VCL: variants seen among roughly 807,000 people sequenced by gnomAD.
VCL encodes the protein vinculin.
Under a neutral mutation model 125.7 loss-of-function variants are expected in VCL, and 47 were observed. That is an observed-to-expected ratio of 0.37 (90% CI 0.30 to 0.48). VCL has a LOEUF of 0.48. VCL is among the 20% of genes least tolerant of loss of function. The pLI is 0.99. For synonymous variants in VCL, 458 were observed against 514.6 expected (o/e 0.89, Z 1.49); for missense variants, 1,069 against 1,455.5 (o/e 0.73, Z 4.32).
Position 74,085,785 on chromosome 10 carries a change from T to G in VCL, c.1022+2272T>G, listed in dbSNP as rs533330572. Among the ~76,000 whole-genome samples, 12 of 152,306 alleles carry G rather than the reference T, an allele frequency of 7.9e-5. No homozygotes were observed. The East Asian group carries it at 1.9e-3, about 24-fold the overall frequency. On this transcript the variant is annotated intron_variant, in intron 8 of 21. Coordinates refer to ENST00000211998, the MANE Select transcript of VCL (RefSeq NM_014000.3). ...CAGGGCTCAGAAACACTCCTCTACA[T>G]GCAGTGCACCATTATACCTGGTCTC...
At chr10:74,032,446 C>T (rs1419391049) in intron 1 of VCL, among the ~76,000 whole-genome samples, 1 of 151,710 alleles carries the variant, frequency 6.6e-6, no homozygotes, top group Non-Finnish European at 1.5e-5. Context: ...GCCTATAATC[C>T]CAGCACTTTG....
chr10:74,006,130 C>T (rs1840320510), intron 1 of VCL, among the ~76,000 whole-genome samples: 1 of 152,158 alleles, frequency 6.6e-6, no homozygotes, highest in African/African-American at 2.4e-5. Context: ...AGGTGATCCG[C>T]TCGCCTCGGC....
At chr10:74,075,070 T>C (rs1330220335) in intron 6 of VCL, 167 bp downstream of exon 6, 1 of 883,396 alleles carries the variant, frequency 1.1e-6, no homozygotes, top group Non-Finnish European at 1.7e-6. Flanking sequence ...TTACTTGCTA[T>C]CTTTGCTAAT....
At chr10:74,048,516 C>T (rs1186806017) in intron 2 of VCL, among the ~76,000 whole-genome samples, 1 of 151,576 alleles carries the variant, frequency 6.6e-6, no homozygotes, top group Non-Finnish European at 1.5e-5. Context: ...AGACTGTCAG[C>T]AGGGGAGTCA....
intron 2 of VCL, among the ~76,000 whole-genome samples, chr10:74,052,392 T>A (rs1841316608): frequency 6.7e-6 from 1 of 150,208 alleles, no homozygotes; most frequent in Non-Finnish European, 1.5e-5. Flanking sequence ...TTTTTTTTTT[T>A]TTGAGACGGA....
chr10:74,013,771 AT>A (rs1195442512), intron 1 of VCL, among the ~76,000 whole-genome samples: 1 of 152,256 alleles, frequency 6.6e-6, no homozygotes, highest in Non-Finnish European at 1.5e-5. Flanking sequence ...AAATTAGTTC[AT>A]TAAAATGTTT....
chr10:74,102,650 T>C (rs186631616), intron 14 of VCL, among the ~76,000 whole-genome samples: 1 of 152,364 alleles, frequency 6.6e-6, no homozygotes, highest in Non-Finnish European at 1.5e-5. Flanking sequence ...TAGATCCTCT[T>C]GTCCAACTTT....
intron 2 of VCL, among the ~76,000 whole-genome samples, chr10:74,053,637 G>A (rs999107021): frequency 1.3e-5 from 2 of 151,156 alleles, no homozygotes; most frequent in Non-Finnish European, 2.9e-5. Context: ...TTGAGATAGC[G>A]TCTTGCTTTG....
rs1840384205 is a variant in VCL, at chr10:74,119,983, T to C, written c.*1814T>C. ...ATGCCGGATGTGCTTTTCTCCAATA[T>C]CAGTGCTCGAGACACAGTGAAGCAA... On this transcript the variant is annotated 3_prime_UTR_variant, in exon 22 of 22. Coordinates refer to ENST00000211998, the MANE Select transcript of VCL (RefSeq NM_014000.3). 2.2e-5 allele frequency: 3 copies of C among 137,036 alleles called. No individual in the cohort carries two copies. The Admixed American group carries it at 2.4e-4, about 11-fold the overall frequency. 8.5% of individuals were successfully genotyped at this position (137,036 alleles called of 1,614,324 possible).
At chr10:74,104,939 A>T in intron 15 of VCL, 112 bp from the exon 16 acceptor site, 1 of 1,225,544 alleles carries the variant, frequency 8.2e-7, no homozygotes, top group East Asian at 2.5e-5. Context: ...TGAGCTGAAG[A>T]AGAGAATTCT....
intron 1 of VCL, among the ~76,000 whole-genome samples, chr10:74,031,397 G>T (rs1840870990): frequency 6.6e-6 from 1 of 151,922 alleles, no homozygotes; most frequent in Non-Finnish European, 1.5e-5. Context: ...AGTATGCTTG[G>T]TTTTCTCCAG....
At chr10:74,030,904 G>A (rs887792206) in intron 1 of VCL, among the ~76,000 whole-genome samples, 3 of 152,118 alleles carry the variant, frequency 2.0e-5, no homozygotes, top group Non-Finnish European at 4.4e-5. Flanking sequence ...TGCAACCTCT[G>A]GCACAAATGG....
At chr10:74,060,374 A>G (rs1376864091) in intron 2 of VCL, among the ~76,000 whole-genome samples, 3 of 151,888 alleles carry the variant, frequency 2.0e-5, no homozygotes, top group African/African-American at 7.2e-5. Context: ...ACTTGCAGGC[A>G]GAGTGTGGTG....
chr10:74,117,713 A>AG (rs768194648), intron 21 of VCL, among the ~76,000 whole-genome samples: 172 of 152,324 alleles, frequency 1.1e-3, no homozygotes, highest in Middle Eastern at 3.4e-3. Flanking sequence ...TCTGAAGGTG[A>AG]GGGGATCCCT....
chr10:74,065,440 A>G (rs958605068), intron 2 of VCL, among the ~76,000 whole-genome samples: 4 of 152,128 alleles, frequency 2.6e-5, no homozygotes, highest in African/African-American at 9.7e-5. Flanking sequence ...CCTGGCCCCC[A>G]GCACTTTAGG....
chr10:74,100,808 T>C, intron 13 of VCL, 140 bp from the exon 14 acceptor site: 2 of 1,016,688 alleles, frequency 2.0e-6, no homozygotes, highest in Non-Finnish European at 3.0e-6. Flanking sequence ...AGTTTGACTG[T>C]TGTTTTATTA....
At chr10:74,065,389 G>A (rs568150311) in intron 2 of VCL, among the ~76,000 whole-genome samples, 32 of 151,972 alleles carry the variant, frequency 2.1e-4, no homozygotes, top group African/African-American at 7.0e-4. Flanking sequence ...CACTTACCTC[G>A]GCCTCCCAGA....
At chr10:74,111,782 AG>A in intron 18 of VCL, 126 bp from the exon 19 acceptor site, 1 of 1,238,756 alleles carries the variant, frequency 8.1e-7, no homozygotes, top group Non-Finnish European at 1.1e-6. Context: ...CAAGGCTCCT[AG>A]AGAACATGTT....
intron 2 of VCL, among the ~76,000 whole-genome samples, chr10:74,061,419 A>C (rs149858027): frequency 1.8e-4 from 27 of 152,284 alleles, no homozygotes; most frequent in Admixed American, 3.9e-4. Context: ...AAACCTTTTC[A>C]ATTTCATCTT....
Sources: allele counts gnomAD v4.1 joint callset (sites outside exome capture counted in the v4.1 genomes callset), GRCh38; gene constraint gnomAD v4.1.1; transcripts MANE v1.5; gene names NCBI Gene and HGNC (gene_info 2026-07-23, HGNC 2026-07-21).